ARHGAP19: variants seen among roughly 807,000 people sequenced by gnomAD.
ARHGAP19 encodes the protein Rho GTPase activating protein 19, also known as rho GTPase-activating protein 19.
In ARHGAP19, 48 loss-of-function variants were observed where a neutral mutation model predicts 60.9. The observed-to-expected ratio is 0.79, with a 90% CI of 0.62 to 1.00. The LOEUF (loss-of-function observed/expected upper bound fraction) is 1.00, where lower values mean the gene tolerates loss of function less well. Among genes scored for constraint, ARHGAP19 ranks in the 50% least tolerant of loss-of-function variants. The pLI, the probability that ARHGAP19 is intolerant of heterozygous loss-of-function variation, is 0.00. For missense variants in ARHGAP19, 562 were observed against 597.2 expected (o/e 0.94, Z 0.61); for synonymous variants, 209 against 215.5 (o/e 0.97, Z 0.27).
At chr10:97,284,664 C>T (rs1843130183) in intron 1 of ARHGAP19, among the ~76,000 whole-genome samples, 1 of 151,620 alleles carries the variant, frequency 6.6e-6, no homozygotes, top group South Asian at 2.1e-4. Flanking sequence ...TGCCACCACG[C>T]CTGGCTAACT....
At position 97,257,161 on chromosome 10, in the gene ARHGAP19, T is replaced by C. The variant is rs943695264; in HGVS notation, c.841-757A>G. ...CAAACAAACAAAAAACACAGCAAAA[T>C]TGTCATTGATTCCCTTCCCTTGTTT... On this transcript the variant is annotated intron_variant, in intron 5 of 11. Transcript: ENST00000358531. 1.1e-4 allele frequency among the ~76,000 whole-genome samples: 16 copies of C among 152,086 alleles called. 1 individual carries two copies. Among genetic ancestry groups the C allele is most frequent in the African/African-American group, 3.9e-4 (16 of 41,498 alleles).
Position 97,225,843 on chromosome 10 carries a change from C to A in ARHGAP19, c.*279G>T, listed in dbSNP as rs1408664040. On this transcript the variant is annotated 3_prime_UTR_variant, in exon 12 of 12. Coordinates refer to ENST00000358531, the MANE Select transcript of ARHGAP19 (RefSeq NM_032900.6). ...AACACATTGAGTGAGCACTGAAGCC[C>A]ACCTTAGTGTGCTGTATAAGCTGGT... The A allele has an allele frequency of 2.5e-6, 1 of 405,288 alleles. No individual in the cohort carries two copies. The highest frequency in any genetic ancestry group is 4.4e-6 in the Non-Finnish European group (1 of 228,420). 25.1% of individuals were successfully genotyped at this position (405,288 alleles called of 1,614,324 possible).
At chr10:97,260,461 C>T (rs1291267415) in intron 4 of ARHGAP19, among the ~76,000 whole-genome samples, 6 of 151,608 alleles carry the variant, frequency 4.0e-5, no homozygotes, top group Admixed American at 1.3e-4. Flanking sequence ...ACCTGGGAGG[C>T]GGAGCTTGCA....
At chr10:97,249,755 A>C (rs1842614997) in intron 6 of ARHGAP19, among the ~76,000 whole-genome samples, 1 of 152,066 alleles carries the variant, frequency 6.6e-6, no homozygotes, top group Non-Finnish European at 1.5e-5. Context: ...GTTGATAAGA[A>C]ATTCTTTTTA....
In ARHGAP19 at chr10:97,244,164, G is replaced by C. The variant is rs1247138805; in HGVS notation, c.994-5C>G. 6.4e-7 allele frequency: 1 copy of C among 1,570,726 alleles called. No individual in the cohort carries two copies. The highest frequency in any genetic ancestry group is 8.6e-7 in the Non-Finnish European group (1 of 1,160,550). ...AGCTATGAGGTCAAGGTCATCCTAAGGAAAATTTAAAAGAAGAGTAAATTA... is the reference window on the plus strand; with the variant it reads ...AGCTATGAGGTCAAGGTCATCCTAACGAAAATTTAAAAGAAGAGTAAATTA... On this transcript the variant is annotated splice_polypyrimidine_tract_variant and splice_region_variant and intron_variant, in intron 7 of 11. Transcript: ENST00000358531.
intron 6 of ARHGAP19, among the ~76,000 whole-genome samples, chr10:97,248,858 C>T (rs142753069): frequency 1.0e-3 from 152 of 152,212 alleles, no homozygotes; most frequent in African/African-American, 3.5e-3. Flanking sequence ...CACTCTGTCA[C>T]CCAGGCTGGA....
chr10:97,283,266 T>C (rs1843109535), intron 1 of ARHGAP19, among the ~76,000 whole-genome samples: 2 of 152,010 alleles, frequency 1.3e-5, no homozygotes, highest in South Asian at 4.1e-4. Flanking sequence ...AGATGGTTAG[T>C]AAAAGTGTAG....
rs762325910 is a variant in ARHGAP19 at position 97,264,942 on chromosome 10, AC to A, written c.323-37del. Reference sequence around the variant, plus strand: ...ATATGATATGACAGGGCTATATTTCACACAAATAGTACAAAATCATCATACC... The same window carrying A: ...ATATGATATGACAGGGCTATATTTCAACAAATAGTACAAAATCATCATACC... On this transcript the variant is annotated intron_variant, in intron 2 of 11. Coordinates refer to ENST00000358531, the MANE Select transcript of ARHGAP19 (RefSeq NM_032900.6). The A allele has an allele frequency of 2.0e-6, 3 of 1,479,682 alleles. No individual in the cohort carries two copies. The East Asian group carries it at 6.8e-5, about 33-fold the overall frequency. 91.7% of individuals were successfully genotyped at this position (1,479,682 alleles called of 1,614,324 possible).
intron 1 of ARHGAP19, 73 bp from the exon 2 acceptor site, chr10:97,266,198 T>C (rs1053130350): frequency 6.4e-7 from 1 of 1,563,602 alleles, no homozygotes; most frequent in African/African-American, 1.4e-5. Flanking sequence ...ATTGGGTTAT[T>C]TGGTCCTGAC....
chr10:97,279,851 A>G (rs1036335772), intron 1 of ARHGAP19, among the ~76,000 whole-genome samples: 2 of 152,200 alleles, frequency 1.3e-5, no homozygotes, highest in Non-Finnish European at 2.9e-5. Context: ...TCTGAGATGA[A>G]AAAACTCTTG....
At chr10:97,260,673 TC>T (rs1045036799) in intron 4 of ARHGAP19, among the ~76,000 whole-genome samples, 2 of 152,040 alleles carry the variant, frequency 1.3e-5, no homozygotes, top group African/African-American at 4.8e-5. Flanking sequence ...AATTAAACCC[TC>T]CTATATTGCT....
chr10:97,239,021 A>G (rs370211123), intron 8 of ARHGAP19, among the ~76,000 whole-genome samples: 12 of 152,346 alleles, frequency 7.9e-5, no homozygotes, highest in Admixed American at 7.2e-4. Flanking sequence ...GTACAGTAAC[A>G]TCCTCTACAG....
intron 1 of ARHGAP19, among the ~76,000 whole-genome samples, chr10:97,280,791 A>C (rs919313111): frequency 6.6e-6 from 1 of 151,926 alleles, no homozygotes; most frequent in Non-Finnish European, 1.5e-5. Context: ...CACTATGTTG[A>C]CCACACTAGT....
At chr10:97,273,681 G>A (rs1842989043) in intron 1 of ARHGAP19, among the ~76,000 whole-genome samples, 2 of 151,092 alleles carry the variant, frequency 1.3e-5, no homozygotes, top group Non-Finnish European at 1.5e-5. Context: ...TAGAGACAGG[G>A]TTTCACCATG....
intron 9 of ARHGAP19, among the ~76,000 whole-genome samples, chr10:97,233,142 G>A (rs1851057097): frequency 6.6e-6 from 1 of 150,816 alleles, no homozygotes; most frequent in African/African-American, 2.4e-5. Flanking sequence ...GAGCGAGACT[G>A]TCTCAAAAAA....
intron 11 of ARHGAP19, 153 bp downstream of exon 11, chr10:97,228,994 G>T: frequency 1.3e-6 from 1 of 747,112 alleles, no homozygotes; most frequent in Non-Finnish European, 2.4e-6. Flanking sequence ...ATAACCATCT[G>T]GTGAATGAAC....
chr10:97,261,206 C>A (rs1248492100), intron 4 of ARHGAP19, among the ~76,000 whole-genome samples: 1 of 152,158 alleles, frequency 6.6e-6, no homozygotes, highest in African/African-American at 2.4e-5. Flanking sequence ...TTGAGTACAA[C>A]TCACATAGAT....
At chr10:97,241,329 A>C (rs1158605211) in intron 8 of ARHGAP19, among the ~76,000 whole-genome samples, 2 of 151,890 alleles carry the variant, frequency 1.3e-5, no homozygotes, top group Non-Finnish European at 2.9e-5. Context: ...TATTTACTTA[A>C]GATCATATTT....
chr10:97,255,688 G>A (rs1423525156), intron 6 of ARHGAP19, among the ~76,000 whole-genome samples: 1 of 152,138 alleles, frequency 6.6e-6, no homozygotes, highest in African/African-American at 2.4e-5. Flanking sequence ...AACATCAAAA[G>A]GTCAGAGTAT....
Sources: allele counts gnomAD v4.1 joint callset (sites outside exome capture counted in the v4.1 genomes callset), GRCh38; gene constraint gnomAD v4.1.1; transcripts MANE v1.5; gene names NCBI Gene and HGNC (gene_info 2026-07-23, HGNC 2026-07-21).